The following PRKN variants were observed in gnomAD, a reference collection of about 807,000 sequenced individuals.
The protein encoded by PRKN is parkin RBR E3 ubiquitin protein ligase.
A neutral mutation model predicts 59.5 loss-of-function variants in PRKN; 56 were observed. That is an observed-to-expected ratio of 0.94 (90% confidence interval 0.76 to 1.18). PRKN has a LOEUF of 1.18. Among genes scored for constraint, PRKN ranks in the 50% most tolerant of loss-of-function variants. The pLI, the probability that PRKN is intolerant of heterozygous loss-of-function variation, is 0.00. For missense variants in PRKN, 657 were observed against 596.4 expected, an observed-to-expected ratio of 1.10 and a Z score of -1.06; for synonymous variants, 250 against 222.1, an observed-to-expected ratio of 1.13 and a Z score of -1.12.
chr6:162,207,611 C>G (rs561014636), intron 3 of PRKN, among the ~76,000 whole-genome samples: 1 of 152,188 alleles, frequency 6.6e-6, no homozygotes, highest in African/African-American at 2.4e-5. Flanking sequence ...TTCCGTCTCA[C>G]TATGTGAGTG....
At chr6:161,767,772 G>A (rs1284146236) in intron 7 of PRKN, among the ~76,000 whole-genome samples, 3 of 148,830 alleles carry the variant, frequency 2.0e-5, no homozygotes, top group African/African-American at 7.4e-5. Context: ...GGGGTGGGGG[G>A]CTGGGGGTGT....
At chr6:162,077,600 CACT>C (rs922197672) in intron 4 of PRKN, among the ~76,000 whole-genome samples, 3 of 152,056 alleles carry the variant, frequency 2.0e-5, no homozygotes, top group African/African-American at 7.3e-5. Context: ...CCACCACTCC[CACT>C]ACTAATTTTA....
chr6:161,661,933 G>A (rs1221844135), intron 7 of PRKN, among the ~76,000 whole-genome samples: 1 of 152,200 alleles, frequency 6.6e-6, no homozygotes, highest in East Asian at 1.9e-4. Context: ...TGAGGCAGGT[G>A]GGTCATTTGA....
intron 1 of PRKN, among the ~76,000 whole-genome samples, chr6:162,457,995 C>A (rs1318249503): frequency 6.6e-6 from 1 of 151,826 alleles, no homozygotes; most frequent in Non-Finnish European, 1.5e-5. Context: ...GTGGCTCGTG[C>A]CTGTAATCCA....
chr6:162,119,194 G>A (rs918622116), intron 4 of PRKN, among the ~76,000 whole-genome samples: 5 of 152,160 alleles, frequency 3.3e-5, no homozygotes, highest in African/African-American at 1.2e-4. Flanking sequence ...TACCTTATTA[G>A]TTATGAGAAA....
At chr6:161,718,620 C>T (rs575709436) in intron 7 of PRKN, among the ~76,000 whole-genome samples, 32 of 152,242 alleles carry the variant, frequency 2.1e-4, no homozygotes, top group African/African-American at 6.7e-4. Context: ...CCGAGAGAAA[C>T]AGCCCAGTGG....
intron 7 of PRKN, among the ~76,000 whole-genome samples, chr6:161,641,780 G>T (rs1409061843): frequency 2.6e-5 from 4 of 152,200 alleles, no homozygotes; most frequent in Non-Finnish European, 4.4e-5. Context: ...GTGTAACAAA[G>T]GCAAAGTGCC....
intron 7 of PRKN, among the ~76,000 whole-genome samples, chr6:161,621,439 C>G (rs572413887): frequency 1.7e-4 from 26 of 152,192 alleles, no homozygotes; most frequent in Non-Finnish European, 2.8e-4. Context: ...GCTGGGGGTC[C>G]TGGGGTCCTG....
In PRKN at chr6:161,457,437, T is replaced by C. The variant is rs1005535954; in HGVS notation, c.1084-70560A>G. On this transcript the variant is annotated intron_variant, in intron 9 of 11. Coordinates refer to ENST00000366898, the MANE Select transcript of PRKN (RefSeq NM_004562.3). This position sits in a 1 kb window ranked among gnomAD's most constrained non-coding sequence, Gnocchi z 5.0. The stretch of plus-strand genomic sequence containing the variant: ...CTTTAATAGAAATTACCTCTTCTAA[T>C]TGCCCTACAATGATACAACTGTATT... Among the ~76,000 whole-genome samples, 1 of 152,228 alleles carries C rather than the reference T, an allele frequency of 6.6e-6. No individual in the cohort carries two copies. Among genetic ancestry groups the C allele is most frequent in the Non-Finnish European group, 1.5e-5 (1 of 68,038 alleles).
At chr6:162,024,908 C>A (rs767791708) in intron 5 of PRKN, among the ~76,000 whole-genome samples, 1 of 151,998 alleles carries the variant, frequency 6.6e-6, no homozygotes, top group East Asian at 1.9e-4. Flanking sequence ...ATAGTCAGCA[C>A]GTGCACCAAA....
intron 4 of PRKN, among the ~76,000 whole-genome samples, chr6:162,062,557 T>G (rs1346892416): frequency 3.3e-5 from 5 of 152,136 alleles, no homozygotes; most frequent in Non-Finnish European, 7.4e-5. Flanking sequence ...TGAGTCCCAA[T>G]CCAATATGAC....
rs36031802 is a variant in PRKN at position 162,168,360 on chromosome 6, AT to A, written c.534+32770del. Among the ~76,000 whole-genome samples the A allele has an allele frequency of 1.5e-3, 231 of 149,874 alleles. 3 individuals carry two copies. Among genetic ancestry groups the A allele is most frequent in the African/African-American group, 4.7e-3 (191 of 40,946 alleles). On this transcript the variant is annotated intron_variant, in intron 4 of 11. Transcript: ENST00000366898. ...AGTGCATTGCTTCTTTCCTTTCCAA[AT>A]TTTTTTTTTCAGTCTTGTGGCCCCT...
At chr6:162,406,457 TTAGATA>T (rs1287485717) in intron 2 of PRKN, among the ~76,000 whole-genome samples, 1 of 152,224 alleles carries the variant, frequency 6.6e-6, no homozygotes, top group Non-Finnish European at 1.5e-5. Context: ...AATGCAGTAC[TTAGATA>T]TAGACTCTCT....
rs1314559882 is a variant in PRKN at position 161,746,875 on chromosome 6, T to C, written c.871+38897A>G. On this transcript the variant is annotated intron_variant, in intron 7 of 11. Coordinates refer to ENST00000366898, the MANE Select transcript of PRKN (RefSeq NM_004562.3). Reference sequence around the variant, plus strand: ...ATGTATCTATATATCTACGTATATATCTATATCTATATATCTATGTATGTA... The same window carrying C: ...ATGTATCTATATATCTACGTATATACCTATATCTATATATCTATGTATGTA... Among the ~76,000 whole-genome samples the C allele has an allele frequency of 2.7e-5, 4 of 150,534 alleles. 1 individual carries two copies. Among genetic ancestry groups the C allele is most frequent in the South Asian group, 4.2e-4 (2 of 4,810 alleles).
chr6:162,447,892 C>T (rs1790397938), intron 1 of PRKN, among the ~76,000 whole-genome samples: 1 of 152,074 alleles, frequency 6.6e-6, no homozygotes, highest in Non-Finnish European at 1.5e-5. Flanking sequence ...CCCCTTGTTC[C>T]AGTGATTGAT....
intron 1 of PRKN, among the ~76,000 whole-genome samples, chr6:162,509,660 A>G (rs1218992524): frequency 6.6e-6 from 1 of 152,206 alleles, no homozygotes; most frequent in Non-Finnish European, 1.5e-5. Flanking sequence ...CAGAGATAGC[A>G]AATGTCTTAC....
At chr6:162,029,798 C>A (rs2128278720) in intron 5 of PRKN, among the ~76,000 whole-genome samples, 1 of 152,308 alleles carries the variant, frequency 6.6e-6, no homozygotes, top group Middle Eastern at 3.4e-3. Context: ...AATATAAAAA[C>A]ACATTAATTA....
chr6:162,694,206 C>T (rs1777884883), intron 1 of PRKN, among the ~76,000 whole-genome samples: 1 of 135,922 alleles, frequency 7.4e-6, no homozygotes, highest in Non-Finnish European at 1.5e-5. Flanking sequence ...GAGATCGTGC[C>T]ACTGCACTCC....
chr6:161,778,983 C>T (rs1424626368), intron 7 of PRKN, among the ~76,000 whole-genome samples: 1 of 152,136 alleles, frequency 6.6e-6, no homozygotes, highest in African/African-American at 2.4e-5. Context: ...CTTGCTCTGT[C>T]GCCCAGGCTG....
Sources: gnomAD v4.1 joint callset for allele counts (sites outside exome capture counted in the v4.1 genomes callset) on GRCh38, gnomAD v4.1.1 for gene constraint, Gnocchi (gnomAD v3.1) non-coding constraint, MANE v1.5 for transcripts, NCBI Gene and HGNC (gene_info 2026-07-23, HGNC 2026-07-21) for gene names.